AFG1L: variants seen among roughly 807,000 people sequenced by gnomAD.
The protein encoded by AFG1L is AFG1 like ATPase.
AFG1L carries 53 observed loss-of-function variants against 62.2 expected under a neutral mutation model. That is an observed-to-expected ratio of 0.85 (90% CI 0.68 to 1.07). AFG1L has a LOEUF of 1.07. Among genes scored for constraint, AFG1L ranks in the 50% least tolerant of loss-of-function variants. AFG1L has a pLI of 0.00. For synonymous variants in AFG1L, 228 were observed against 210.3 expected (o/e 1.08, Z -0.73); for missense variants, 555 against 590.5 (o/e 0.94, Z 0.62).
At chr6:108,444,232 T>C in intron 7 of AFG1L, among the ~76,000 whole-genome samples, 2 of 152,304 alleles carry the variant, frequency 1.3e-5, no homozygotes, top group Admixed American at 1.3e-4. Flanking sequence ...ATATTTATAC[T>C]ATACTATAGT....
chr6:108,359,824 C>A (rs897210515), intron 5 of AFG1L: 4 of 152,240 alleles, frequency 2.6e-5, no homozygotes, highest in African/African-American at 7.2e-5. Context: ...AGTATTGTCC[C>A]CATCCTGGAG....
intron 6 of AFG1L, among the ~76,000 whole-genome samples, chr6:108,399,097 T>G (rs1781439060): frequency 1.3e-5 from 2 of 152,002 alleles, no homozygotes; most frequent in East Asian, 3.9e-4. Flanking sequence ...TAGCTTTCCA[T>G]TTTTGTGTTT....
intron 3 of AFG1L, among the ~76,000 whole-genome samples, chr6:108,348,148 G>A (rs1303120004): frequency 6.6e-6 from 1 of 152,084 alleles, no homozygotes; most frequent in African/African-American, 2.4e-5. Context: ...GCGCGATCTC[G>A]GCTCACTGCA....
chr6:108,391,447 A>G (rs925027939), intron 6 of AFG1L, among the ~76,000 whole-genome samples: 1 of 152,084 alleles, frequency 6.6e-6, no homozygotes. Flanking sequence ...TTGTCTATTC[A>G]TGTCCTTAGC....
intron 2 of AFG1L, among the ~76,000 whole-genome samples, chr6:108,338,981 A>G (rs1269075156): frequency 6.6e-6 from 1 of 151,852 alleles, no homozygotes; most frequent in Non-Finnish European, 1.5e-5. Flanking sequence ...ATCTTTGTTA[A>G]TACAGTGTCC....
intron 1 of AFG1L, among the ~76,000 whole-genome samples, chr6:108,316,510 AT>A (rs748920452): frequency 1.3e-5 from 2 of 148,520 alleles, no homozygotes; most frequent in South Asian, 4.3e-4. Context: ...AAATAATTGT[AT>A]ATATTTATGG....
chr6:108,511,358 A>G (rs1582686131), intron 11 of AFG1L, among the ~76,000 whole-genome samples: 1 of 152,310 alleles, frequency 6.6e-6, no homozygotes. Context: ...GTGAATTGCC[A>G]AGTCACTGCC....
chr6:108,404,678 T>A (rs1389050407), intron 7 of AFG1L, among the ~76,000 whole-genome samples: 31 of 152,124 alleles, frequency 2.0e-4, no homozygotes, highest in Non-Finnish European at 1.5e-5. Flanking sequence ...CCTTACATAT[T>A]TGGAGGCTAT....
At chr6:108,334,063 A>G (rs1778380441) in intron 2 of AFG1L, among the ~76,000 whole-genome samples, 2 of 152,146 alleles carry the variant, frequency 1.3e-5, no homozygotes. Context: ...GCTGGAGTTC[A>G]GTGGTGCGAT....
chr6:108,334,520 C>A (rs1778402908), intron 2 of AFG1L, among the ~76,000 whole-genome samples: 1 of 147,724 alleles, frequency 6.8e-6, no homozygotes, highest in African/African-American at 2.5e-5. Context: ...GGCAAGACTT[C>A]ATCTCTAAAA....
intron 6 of AFG1L, among the ~76,000 whole-genome samples, chr6:108,395,956 C>A (rs1582509979): frequency 1.3e-5 from 2 of 152,168 alleles, no homozygotes; most frequent in Non-Finnish European, 2.9e-5. Context: ...AATCCTCCTA[C>A]CTCACCTTCC....
Position 108,295,183 on chromosome 6 carries a change from C to A in AFG1L, c.104C>A (p.Pro35His), listed in dbSNP as rs1249326870. 1.1e-5 allele frequency: 18 copies of A among 1,607,336 alleles called. No individual in the cohort carries two copies. The highest frequency in any genetic ancestry group is 1.5e-5 in the Non-Finnish European group (18 of 1,179,934). The change falls in exon 1 of 13, where the codon CCT becomes CAT. Residue 35 changes from proline (P) to histidine (H), a missense_variant. Coordinates refer to ENST00000368977, the MANE Select transcript of AFG1L (RefSeq NM_145315.5). ...GGGGCCTGGGCCGCCGCTCTCGCTC[C>A]TCTGGCCACCGCCCCTGGGAAGCCC... Reference protein sequence around the residue: ...GCGAWAAALAPLATAPGKPFW... With the variant: ...GCGAWAAALAHLATAPGKPFW...
chr6:108,397,273 G>A (rs1038727769), intron 6 of AFG1L, among the ~76,000 whole-genome samples: 2 of 152,156 alleles, frequency 1.3e-5, no homozygotes, highest in African/African-American at 2.4e-5. Context: ...GATAACAGGC[G>A]TGTGCCACCA....
chr6:108,518,282 A>G (rs1364413370), intron 11 of AFG1L, among the ~76,000 whole-genome samples: 1 of 152,234 alleles, frequency 6.6e-6, no homozygotes, highest in East Asian at 1.9e-4. Context: ...GACTGGATTA[A>G]GAAAATGTGG....
chr6:108,439,142 C>T (rs562967863), intron 7 of AFG1L, among the ~76,000 whole-genome samples: 1 of 152,222 alleles, frequency 6.6e-6, no homozygotes, highest in Non-Finnish European at 1.5e-5. Flanking sequence ...AACCACACAG[C>T]GTGACAATTG....
chr6:108,478,244 T>G (rs1773196672), intron 10 of AFG1L, among the ~76,000 whole-genome samples: 1 of 152,184 alleles, frequency 6.6e-6, no homozygotes, highest in African/African-American at 2.4e-5. Context: ...GAGACCATCC[T>G]AGCTAACACG....
At chr6:108,386,493 A>G (rs535025287) in intron 6 of AFG1L, among the ~76,000 whole-genome samples, 2 of 152,170 alleles carry the variant, frequency 1.3e-5, no homozygotes, top group South Asian at 4.1e-4. Flanking sequence ...GAAAAGAAAA[A>G]TACCTAAGAG....
intron 1 of AFG1L, among the ~76,000 whole-genome samples, chr6:108,317,813 T>TGATC (rs1425469419): frequency 6.6e-6 from 1 of 152,202 alleles, no homozygotes; most frequent in African/African-American, 2.4e-5. Flanking sequence ...TGCCCAGGAA[T>TGATC]GATCAGGCAG....
chr6:108,427,218 T>C (rs1371286549), intron 7 of AFG1L, among the ~76,000 whole-genome samples: 1 of 152,144 alleles, frequency 6.6e-6, no homozygotes, highest in Non-Finnish European at 1.5e-5. Context: ...TCCTTCTGCC[T>C]CAGCCTTCTG....
Sources: gnomAD v4.1 joint callset for allele counts (sites outside exome capture counted in the v4.1 genomes callset) on GRCh38, gnomAD v4.1.1 for gene constraint, MANE v1.5 for transcripts, NCBI Gene and HGNC (gene_info 2026-07-23, HGNC 2026-07-21) for gene names.